The following SYNPO variants were observed in gnomAD, a reference collection of about 807,000 sequenced individuals.
The protein encoded by SYNPO is synaptopodin.
SYNPO carries 19 observed loss-of-function variants against 49.5 expected under a neutral mutation model. The observed-to-expected ratio is 0.38, with a 90% confidence interval of 0.27 to 0.56. SYNPO has a LOEUF of 0.56. Ranked by LOEUF, SYNPO falls within the 20% of genes least tolerant of loss-of-function variation. The pLI, the probability that SYNPO is intolerant of heterozygous loss-of-function variation, is 0.68. For missense variants in SYNPO, 1,131 were observed against 1,248.3 expected (o/e 0.91, Z 1.42); for synonymous variants, 536 against 548.0 (o/e 0.98, Z 0.31).
chr5:150,627,835 G>A (rs1263858300), intron 2 of SYNPO, among the ~76,000 whole-genome samples: 1 of 152,110 alleles, frequency 6.6e-6, no homozygotes, highest in East Asian at 1.9e-4. Flanking sequence ...CCAGAAGATG[G>A]TCATGCTCTG....
Position 150,657,045 on chromosome 5 carries a change from C to G in SYNPO, c.2670C>G (p.Leu890=). The change falls in exon 3 of 3, where the codon CTC becomes CTG. Residue 890 remains leucine, a synonymous_variant. Transcript: ENST00000307662. ...GCGGGTGGAATGGCAGCCTTCGGCTCAAGCGTGGCAGCCTCCCCGCCGAGG... is the reference window on the plus strand; with the variant it reads ...GCGGGTGGAATGGCAGCCTTCGGCTGAAGCGTGGCAGCCTCCCCGCCGAGG... ...CPRGWNGSLR[L]KRGSLPAEAS... 3.1e-6 allele frequency: 5 copies of G among 1,599,830 alleles called. No homozygotes were observed. The highest frequency in any genetic ancestry group is 4.3e-6 in the Non-Finnish European group (5 of 1,174,408).
intron 1 of SYNPO, among the ~76,000 whole-genome samples, chr5:150,604,876 A>G (rs1437759842): frequency 1.3e-5 from 2 of 152,142 alleles, no homozygotes; most frequent in Non-Finnish European, 2.9e-5. Flanking sequence ...GAAGCAAATG[A>G]TATGCCCTAA....
At chr5:150,631,663 C>T (rs1757542878) in intron 2 of SYNPO, among the ~76,000 whole-genome samples, 1 of 152,022 alleles carries the variant, frequency 6.6e-6, no homozygotes, top group African/African-American at 2.4e-5. Context: ...GGTCTTTGCT[C>T]CTTTCCTTTC....
intron 1 of SYNPO, among the ~76,000 whole-genome samples, chr5:150,646,751 A>AAATT (rs1758107551): frequency 1.3e-5 from 2 of 151,926 alleles, no homozygotes; most frequent in African/African-American, 4.9e-5. Flanking sequence ...ACAAATTAAA[A>AAATT]AAAGCAGACG....
the SYNPO span, among the ~76,000 whole-genome samples, chr5:150,590,846 G>C: frequency 6.6e-6 from 1 of 152,174 alleles, no homozygotes; most frequent in East Asian, 1.9e-4. Context: ...TGGGAAGGGG[G>C]CTTCTAAGGA....
intron 1 of SYNPO, among the ~76,000 whole-genome samples, chr5:150,643,993 A>C (rs898214163): frequency 1.3e-5 from 2 of 151,762 alleles, no homozygotes; most frequent in African/African-American, 4.8e-5. Context: ...TGGGCAACAT[A>C]GTGAAATCCT....
chr5:150,657,132 G>A lies in SYNPO; in HGVS notation c.*45G>A, dbSNP rs1561664023. On this transcript the variant is annotated 3_prime_UTR_variant, in exon 3 of 3. Transcript: ENST00000307662. ...CCCCGGGAGGGCAGAGCCAGAAGAA[G>A]GCTCATTAGACCTGGGGGACCCAAA... The A allele has an allele frequency of 6.5e-7, 1 of 1,534,948 alleles. No homozygotes were observed. Among genetic ancestry groups the A allele is most frequent in the Non-Finnish European group, 8.8e-7 (1 of 1,139,070 alleles).
upstream of SYNPO, among the ~76,000 whole-genome samples, chr5:150,600,668 A>G (rs1756505436): frequency 1.3e-5 from 2 of 152,110 alleles, no homozygotes; most frequent in South Asian, 4.1e-4. Flanking sequence ...TTCCCACAAT[A>G]GCACAGAAGG....
At chr5:150,640,451 G>A (rs910996249), upstream of SYNPO, among the ~76,000 whole-genome samples, 8 of 152,202 alleles carry the variant, frequency 5.3e-5, no homozygotes, top group African/African-American at 9.6e-5. Flanking sequence ...GGCAGGCCCC[G>A]ATAGCAGGGG....
chr5:150,595,073 G>A, the SYNPO span, among the ~76,000 whole-genome samples: 1 of 152,154 alleles, frequency 6.6e-6, no homozygotes, highest in Non-Finnish European at 1.5e-5. Context: ...CTAAAAAATT[G>A]GAAGACCCCG....
rs1008907527 is a variant in SYNPO, at chr5:150,657,647, A to T, written c.*560A>T. ...TGTCGCATGTCCAGGCACTGGCCTGACCATCCGGCTCCCTGGCACCAAGTC... is the reference window on the plus strand; with the variant it reads ...TGTCGCATGTCCAGGCACTGGCCTGTCCATCCGGCTCCCTGGCACCAAGTC... On this transcript the variant is annotated 3_prime_UTR_variant, in exon 3 of 3. Coordinates refer to ENST00000307662, the MANE Select transcript of SYNPO (RefSeq NM_007286.6). 6.6e-6 allele frequency: 1 copy of T among 152,610 alleles called. No individual in the cohort carries two copies. The highest frequency in any genetic ancestry group is 1.5e-5 in the Non-Finnish European group (1 of 68,298). 9.5% of individuals were successfully genotyped at this position (152,610 alleles called of 1,614,324 possible). A position where few individuals can be genotyped will look rare whatever the true frequency, so the allele number is the denominator to read the frequency against.
chr5:150,652,388 T>TC, intron 2 of SYNPO: 1 of 986,316 alleles, frequency 1.0e-6, no homozygotes, highest in Non-Finnish European at 1.2e-6. Flanking sequence ...AGGGTTCCCT[T>TC]CCTCCTGCCT....
At chr5:150,641,049 T>G (rs1205239036) in intron 1 of SYNPO, among the ~76,000 whole-genome samples, 195 bp downstream of exon 1, 1 of 152,166 alleles carries the variant, frequency 6.6e-6, no homozygotes, top group African/African-American at 2.4e-5. Flanking sequence ...TCTTCTCCCA[T>G]GCCCGGCAGT....
upstream of SYNPO, chr5:150,640,607 G>A: frequency 1.0e-6 from 1 of 976,558 alleles, no homozygotes; most frequent in Non-Finnish European, 1.2e-6. Context: ...TGGCGGGGGA[G>A]AGACTGGGGG....
chr5:150,622,982 A>G (rs1757228879), intron 2 of SYNPO, among the ~76,000 whole-genome samples: 2 of 152,208 alleles, frequency 1.3e-5, no homozygotes, highest in South Asian at 4.1e-4. Flanking sequence ...AACTGCACAC[A>G]CATGGAGGCC....
intron 1 of SYNPO, among the ~76,000 whole-genome samples, chr5:150,609,786 C>CGGTG (rs556541438): frequency 0.02 from 2,104 of 105,402 alleles, 91 homozygotes; most frequent in African/African-American, 0.074. Flanking sequence ...GTGAATGTGG[C>CGGTG]GGGGGGGGGC....
In SYNPO at chr5:150,648,314, C is replaced by T; in HGVS notation, c.39C>T (p.His13=). The T allele has an allele frequency of 1.9e-6, 3 of 1,614,172 alleles. No homozygotes were observed. Among genetic ancestry groups the T allele is most frequent in the Non-Finnish European group, 2.5e-6 (3 of 1,180,012 alleles). Residue 13 remains histidine (H), a synonymous_variant, in exon 2 of 3, where the codon CAC becomes CAT. Coordinates refer to ENST00000307662, the MANE Select transcript of SYNPO (RefSeq NM_007286.6). The surrounding 1 kb of genome is among the most constrained non-coding windows in gnomAD (Gnocchi z 5.0). ...GYSEEASLLR[H]LEKVASEEEE... is the part of the protein sequence containing the mutation. Reference sequence around the variant, plus strand: ...CAGAGGAGGCTAGCTTGCTGCGGCACCTGGAGAAGGTGGCCAGTGAGGAGG... The same window carrying T: ...CAGAGGAGGCTAGCTTGCTGCGGCATCTGGAGAAGGTGGCCAGTGAGGAGG...
intron 1 of SYNPO, among the ~76,000 whole-genome samples, chr5:150,644,873 G>C (rs1183022759): frequency 6.6e-6 from 1 of 152,182 alleles, no homozygotes; most frequent in Admixed American, 6.5e-5. Flanking sequence ...ATCCAGGCAG[G>C]AGAAGAGTCC....
chr5:150,632,951 G>C (rs777003097), intron 2 of SYNPO, among the ~76,000 whole-genome samples: 13 of 152,160 alleles, frequency 8.5e-5, no homozygotes, highest in African/African-American at 2.9e-4. Flanking sequence ...CCAGGACCTA[G>C]AAACCATTCC....
Sources: allele counts gnomAD v4.1 joint callset (sites outside exome capture counted in the v4.1 genomes callset), GRCh38; gene constraint gnomAD v4.1.1; non-coding constraint Gnocchi (gnomAD v3.1); transcripts MANE v1.5; gene names NCBI Gene and HGNC (gene_info 2026-07-23, HGNC 2026-07-21).